OR1J2: variants seen among roughly 807,000 people sequenced by gnomAD.
The protein encoded by OR1J2 is olfactory receptor family 1 subfamily J member 2.
For missense variants in OR1J2, 304 were observed against 246.1 expected (o/e 1.24, Z -1.57); for synonymous variants, 142 against 99.7 (o/e 1.42, Z -2.52).
the OR1J2 span, among the ~76,000 whole-genome samples, chr9:122,463,819 A>T: frequency 6.6e-6 from 1 of 152,086 alleles, no homozygotes; most frequent in Non-Finnish European, 1.5e-5. Flanking sequence ...CACCTGCTCC[A>T]ATGGAGGTAG....
At chr9:122,557,049 A>G in the OR1J2 span, among the ~76,000 whole-genome samples, 5 of 152,134 alleles carry the variant, frequency 3.3e-5, no homozygotes, top group Non-Finnish European at 7.4e-5. Context: ...CATTGCTGCT[A>G]TGTAAGAGAG....
chr9:122,576,416 G>A, the OR1J2 span, among the ~76,000 whole-genome samples: 5,225 of 146,736 alleles, frequency 0.036, 209 homozygotes, highest in African/African-American at 0.095. Context: ...GTATTTTTTA[G>A]TAGAGATGTG....
chr9:122,478,276 T>G, the OR1J2 span, among the ~76,000 whole-genome samples: 1 of 152,204 alleles, frequency 6.6e-6, no homozygotes, highest in African/African-American at 2.4e-5. Context: ...TTCTACTCTT[T>G]AGATGTGAAA....
At chr9:122,514,477 G>A (rs887516810), downstream of OR1J2, among the ~76,000 whole-genome samples, 14 of 152,190 alleles carry the variant, frequency 9.2e-5, no homozygotes, top group African/African-American at 2.9e-4. Context: ...TGATGCCTTC[G>A]TAGTATTCCA....
At chr9:122,510,753 C>A, upstream of OR1J2, 1 of 1,028,880 alleles carries the variant, frequency 9.7e-7, no homozygotes. Context: ...AATTTCAGAG[C>A]CTCTAATATT....
At position 122,511,728 on chromosome 9, in the gene OR1J2, A is replaced by G. The variant is rs1466066345; in HGVS notation, c.927A>G (p.Thr309=). ...TTGGGAAACTCTTCAGTAGAGCAAC[A>G]TTTTTCTCTTGGTGACATCTGACTT... The part of the protein sequence containing the change: ...EALGKLFSRA[T]FFSW The change falls in exon 1 of 1, where the codon ACA becomes ACG. Residue 309 remains threonine, a synonymous_variant. Coordinates refer to ENST00000335302, the MANE Select transcript of OR1J2 (RefSeq NM_054107.1). The G allele has an allele frequency of 1.3e-6, 1 of 780,316 alleles. No individual in the cohort carries two copies. The highest frequency in any genetic ancestry group is 2.4e-6 in the Non-Finnish European group (1 of 417,980). 48.3% of individuals were successfully genotyped at this position (780,316 alleles called of 1,614,324 possible). A position where few individuals can be genotyped will look rare whatever the true frequency, so the allele number is the denominator to read the frequency against.
At chr9:122,556,432 G>C in the OR1J2 span, among the ~76,000 whole-genome samples, 1 of 151,792 alleles carries the variant, frequency 6.6e-6, no homozygotes, top group Non-Finnish European at 1.5e-5. Flanking sequence ...CTGTTATATT[G>C]ATCTATTTTT....
chr9:122,455,429 C>G, the OR1J2 span, among the ~76,000 whole-genome samples: 1 of 152,118 alleles, frequency 6.6e-6, no homozygotes, highest in Non-Finnish European at 1.5e-5. Flanking sequence ...GTCATTGTGT[C>G]TTGCATTTCC....
At chr9:122,519,477 T>A in the OR1J2 span, 2 of 1,614,122 alleles carry the variant, frequency 1.2e-6, no homozygotes, top group Non-Finnish European at 1.7e-6. Context: ...TCTAGACAAT[T>A]TCCTTCTCAC....
At chr9:122,514,588 A>G (rs12349388), downstream of OR1J2, among the ~76,000 whole-genome samples, 10,909 of 152,262 alleles carry the variant, frequency 0.072, 485 homozygotes, top group South Asian at 0.18. Flanking sequence ...TCTTAGACGG[A>G]TAAAAAATGA....
At chr9:122,548,222 A>G in the OR1J2 span, among the ~76,000 whole-genome samples, 1 of 152,214 alleles carries the variant, frequency 6.6e-6, no homozygotes, top group Non-Finnish European at 1.5e-5. Context: ...GAGGAATAGT[A>G]AATTGTGAAA....
the OR1J2 span, chr9:122,449,002 A>C: frequency 1.3e-5 from 2 of 151,516 alleles, no homozygotes; most frequent in Non-Finnish European, 2.9e-5. Flanking sequence ...ACAAGCGATA[A>C]TAAGTAAAAA....
the OR1J2 span, among the ~76,000 whole-genome samples, chr9:122,490,023 C>T: frequency 1.3e-5 from 2 of 152,288 alleles, no homozygotes; most frequent in South Asian, 2.1e-4. Flanking sequence ...TAATGCCTCT[C>T]GATTTTGCAA....
chr9:122,541,352 C>A, the OR1J2 span, among the ~76,000 whole-genome samples: 7 of 152,156 alleles, frequency 4.6e-5, no homozygotes, highest in Non-Finnish European at 1.0e-4. Flanking sequence ...TTTGGTGCCT[C>A]TCGACTTGAG....
the OR1J2 span, among the ~76,000 whole-genome samples, chr9:122,551,645 C>G: frequency 6.6e-6 from 1 of 152,186 alleles, no homozygotes; most frequent in Non-Finnish European, 1.5e-5. Context: ...ATCACATTCC[C>G]GAGACCCACA....
the OR1J2 span, among the ~76,000 whole-genome samples, chr9:122,465,455 T>A: frequency 6.6e-6 from 1 of 152,166 alleles, no homozygotes; most frequent in Non-Finnish European, 1.5e-5. Flanking sequence ...CTCTATGTTT[T>A]AAAAATTATG....
At chr9:122,568,037 G>A in the OR1J2 span, 5 of 1,613,874 alleles carry the variant, frequency 3.1e-6, no homozygotes, top group Non-Finnish European at 4.2e-6. Context: ...AGCAGGAGAA[G>A]GCCACCAGCA....
chr9:122,518,686 A>G, the OR1J2 span, among the ~76,000 whole-genome samples: 1 of 152,254 alleles, frequency 6.6e-6, no homozygotes, highest in African/African-American at 2.4e-5. Context: ...CTTTGATCCA[A>G]TTTCTTTTGG....
chr9:122,505,117 C>A, the OR1J2 span, among the ~76,000 whole-genome samples: 3 of 152,178 alleles, frequency 2.0e-5, no homozygotes, highest in East Asian at 5.8e-4. Context: ...AGGGTCATCA[C>A]ACCTAGAAAG....
Sources: gnomAD v4.1 joint callset for allele counts (sites outside exome capture counted in the v4.1 genomes callset) on GRCh38, gnomAD v4.1.1 for gene constraint, MANE v1.5 for transcripts, NCBI Gene and HGNC (gene_info 2026-07-23, HGNC 2026-07-21) for gene names.